ANO7: variants seen among roughly 807,000 people sequenced by gnomAD.
ANO7 encodes the protein anoctamin-7.
In ANO7, 114 loss-of-function variants were observed where a neutral mutation model predicts 115.8. The ratio of observed to expected loss-of-function variants is 0.98; its 90% CI spans 0.85 to 1.15. ANO7 has a LOEUF of 1.15. Among genes scored for constraint, ANO7 ranks in the 50% most tolerant of loss-of-function variants. The pLI is 0.00. For missense variants in ANO7, 1,302 were observed against 1,201.2 expected (o/e 1.08, Z -1.24); for synonymous variants, 550 against 498.2 (o/e 1.10, Z -1.38).
In ANO7 at chr2:241,223,177, CT is replaced by C; in HGVS notation, c.2322-8del. On this transcript the variant is annotated splice_polypyrimidine_tract_variant and splice_region_variant and intron_variant, in intron 21 of 24. Coordinates refer to ENST00000674324, the MANE Select transcript of ANO7 (RefSeq NM_001370694.2). ...TGGCTGCGCGCACTGAGTCCTGTGT[CT>C]GCTGCAGGTATCGGGCTTTCCGGGA... 2 of 1,613,642 alleles carry C rather than the reference CT, an allele frequency of 1.2e-6. No individual in the cohort carries two copies. Among genetic ancestry groups the C allele is most frequent in the Non-Finnish European group, 1.7e-6 (2 of 1,179,652 alleles).
intron 3 of ANO7, 115 bp from the exon 4 acceptor site, chr2:241,195,588 G>A (rs2149122543): frequency 1.0e-6 from 1 of 992,174 alleles, no homozygotes; most frequent in East Asian, 2.6e-5. Context: ...AACCGGCCCT[G>A]AGTGTCCAAG....
At chr2:241,191,571 C>T (rs956313830) in intron 3 of ANO7, among the ~76,000 whole-genome samples, 3 of 147,944 alleles carry the variant, frequency 2.0e-5, no homozygotes, top group African/African-American at 4.9e-5. Context: ...ATTTCTGACT[C>T]TTATCTCTTG....
chr2:241,206,424 A>G (rs1288635264), intron 10 of ANO7, among the ~76,000 whole-genome samples: 6 of 19,276 alleles, frequency 3.1e-4, no homozygotes, highest in Admixed American at 5.2e-4. Flanking sequence ...ACACAGGTGG[A>G]CAGGAGTGCT....
chr2:241,209,365 C>T lies in ANO7; in HGVS notation c.1158C>T (p.Tyr386=). The T allele has an allele frequency of 6.3e-7, 1 of 1,581,962 alleles. No individual in the cohort carries two copies. Among genetic ancestry groups the T allele is most frequent in the Non-Finnish European group, 8.6e-7 (1 of 1,164,494 alleles). ...MALWAVLLLE[Y]WKRKSATLAY... is the part of the protein sequence containing the mutation. ...TGTGGGCCGTGCTGCTGCTGGAGTA[C>T]TGGAAGCGGAAGAGCGCCACGCTGG... is the stretch of plus-strand genomic sequence containing the variant. The change falls in exon 12 of 25, where the codon TAC becomes TAT. Residue 386 remains tyrosine, a synonymous_variant. Coordinates refer to ENST00000674324, the MANE Select transcript of ANO7 (RefSeq NM_001370694.2).
chr2:241,236,506 C>CTGCCACTGCCGCTTG, the ANO7 span: 2 of 1,107,882 alleles, frequency 1.8e-6, no homozygotes, highest in South Asian at 2.8e-5. Flanking sequence ...GCTACCTCCA[C>CTGCCACTGCCGCTTG]TGCCACTGCC....
chr2:241,192,319 C>T (rs1446386791), intron 3 of ANO7, among the ~76,000 whole-genome samples: 1 of 152,150 alleles, frequency 6.6e-6, no homozygotes, highest in Non-Finnish European at 1.5e-5. Context: ...GAGCAAAACT[C>T]CATCTCCAAG....
rs928685029 is a variant in ANO7, at chr2:241,191,126, G to A, written c.109-68G>A. ...GGCGAGGACGGCTTCAGGGTGGGGCGGGGTGGGTGTAGTTGTCGAGGGCAG... is the reference window on the plus strand; with the variant it reads ...GGCGAGGACGGCTTCAGGGTGGGGCAGGGTGGGTGTAGTTGTCGAGGGCAG... On this transcript the variant is annotated intron_variant, in intron 2 of 24. Transcript: ENST00000674324. The A allele has an allele frequency of 3.0e-5, 47 of 1,565,762 alleles. No homozygotes were observed. In the Middle Eastern group the frequency reaches 5.1e-4, roughly 17 times the overall value.
the ANO7 span, among the ~76,000 whole-genome samples, chr2:241,234,197 A>G: frequency 4.3e-4 from 66 of 152,204 alleles, 4 homozygotes; most frequent in Non-Finnish European, 4.4e-5. Context: ...CCTTCAAAAG[A>G]GGGCTTGGGA....
chr2:241,217,740 T>C lies in ANO7; in HGVS notation c.2027T>C (p.Leu676Pro). ...IFVAACPLAP[L>P]FALLNNWVEI... ...GTGGCCGCCTGTCCGCTCGCGCCGC[T>C]CTTCGCCCTGCTCAACAACTGGGTG... The change falls in exon 20 of 25, where the codon CTC (leucine) becomes CCC (proline). Residue 676 changes from leucine (L) to proline (P), a missense_variant. Leu to Pro is a moderately conservative substitution (Grantham distance 98, BLOSUM62 -3). Transcript: ENST00000674324. 1 of 1,605,218 alleles carries C rather than the reference T, an allele frequency of 6.2e-7. No individual in the cohort carries two copies. The highest frequency in any genetic ancestry group is 8.5e-7 in the Non-Finnish European group (1 of 1,176,490).
At chr2:241,197,487 A>G (rs2149133808) in intron 4 of ANO7, among the ~76,000 whole-genome samples, 1 of 152,212 alleles carries the variant, frequency 6.6e-6, no homozygotes, top group African/African-American at 2.4e-5. Flanking sequence ...CCGAGGCTCA[A>G]GCCATCTTCC....
chr2:241,239,801 G>A, the ANO7 span: 6 of 1,613,826 alleles, frequency 3.7e-6, no homozygotes, highest in South Asian at 5.5e-5. This position sits in a 1 kb window ranked among gnomAD's most constrained non-coding sequence, Gnocchi z 4.6. Flanking sequence ...CACCAGCATG[G>A]AGTCTTCCAC....
In ANO7 at chr2:241,223,948, G is replaced by C; in HGVS notation, c.2576G>C (p.Gly859Ala). Residue 859 changes from glycine to alanine, a missense_variant, in exon 24 of 25, where the codon GGC (glycine) becomes GCC (alanine). Gly to Ala is a moderately conservative substitution (Grantham distance 60). Transcript: ENST00000674324. ...GGAACAAAGGATGAGCAGCCCGAGGGCTCAGAGGCAAGTCTGGGAGCAGCC... is the reference window on the plus strand; with the variant it reads ...GGAACAAAGGATGAGCAGCCCGAGGCCTCAGAGGCAAGTCTGGGAGCAGCC... The part of the protein sequence containing the change: ...TNGTKDEQPE[G>A]SELSSHWTPF... 6.2e-7 allele frequency: 1 copy of C among 1,609,418 alleles called. No homozygotes were observed. The highest frequency in any genetic ancestry group is 1.1e-5 in the South Asian group (1 of 91,070).
intron 3 of ANO7, among the ~76,000 whole-genome samples, chr2:241,195,050 C>G (rs943040118): frequency 1.3e-5 from 2 of 152,200 alleles, no homozygotes; most frequent in Non-Finnish European, 2.9e-5. Flanking sequence ...GCTTGGTGCT[C>G]CAAGGGCCTG....
At chr2:241,221,681 CTTT>C (rs890295621) in intron 21 of ANO7, among the ~76,000 whole-genome samples, 1 of 151,458 alleles carries the variant, frequency 6.6e-6, no homozygotes, top group African/African-American at 2.4e-5. Context: ...GGGATTATTT[CTTT>C]TTTTTCTTTT....
rs373643017 is a variant in ANO7 at position 241,188,686 on chromosome 2, G to A, written c.-88G>A. The A allele has an allele frequency of 4.1e-5, 66 of 1,613,508 alleles. No individual in the cohort carries two copies. The Middle Eastern group carries it at 5.0e-4, about 12-fold the overall frequency. On this transcript the variant is annotated 5_prime_UTR_variant, in exon 1 of 25. Coordinates refer to ENST00000674324, the MANE Select transcript of ANO7 (RefSeq NM_001370694.2). The surrounding 1 kb of genome is among the most constrained non-coding windows in gnomAD (Gnocchi z 4.3). ...CCACCCTCTGTCCCGCAGTGAGGACGGGACTCTACTGCCGAGACCAGGCTC... is the reference window on the plus strand; with the variant it reads ...CCACCCTCTGTCCCGCAGTGAGGACAGGACTCTACTGCCGAGACCAGGCTC...
At chr2:241,198,158 C>G (rs1190019191) in intron 4 of ANO7, among the ~76,000 whole-genome samples, 1 of 152,186 alleles carries the variant, frequency 6.6e-6, no homozygotes, top group Admixed American at 6.5e-5. Flanking sequence ...TCTTCCCTCA[C>G]CCACCTTCTC....
rs1172319589 is a variant in ANO7 at position 241,207,670 on chromosome 2, G to A, written c.1077G>A (p.Gln359=). The A allele has an allele frequency of 6.2e-7, 1 of 1,613,520 alleles. No homozygotes were observed. The highest frequency in any genetic ancestry group is 1.3e-5 in the African/African-American group (1 of 75,050). Residue 359 remains glutamine (Q), a splice_region_variant and synonymous_variant, in exon 11 of 25, where the codon CAG becomes CAA. Coordinates refer to ENST00000674324, the MANE Select transcript of ANO7 (RefSeq NM_001370694.2). ...TCTCCAGCGCCTGTGCCCTGGCCCA[G>A]GTACGAGAAGAGGTGGGTGGGGTAA... ...WLLSSACALA[Q]AGRLFDHGGT... is the part of the protein sequence containing the mutation.
the ANO7 span, chr2:241,239,540 C>CA: frequency 3.3e-5 from 46 of 1,385,394 alleles, no homozygotes; most frequent in Non-Finnish European, 4.7e-5. This position sits in a 1 kb window ranked among gnomAD's most constrained non-coding sequence, Gnocchi z 4.6. Flanking sequence ...AACACTCATA[C>CA]ACGGCTTCGG....
At chr2:241,223,498 GA>G in intron 22 of ANO7, 163 bp from the exon 23 acceptor site, 1 of 1,192,850 alleles carries the variant, frequency 8.4e-7, no homozygotes. Flanking sequence ...CCAGGGCCAC[GA>G]AAGCTGGGGT....
Sources: gnomAD v4.1 joint callset for allele counts (sites outside exome capture counted in the v4.1 genomes callset) on GRCh38, gnomAD v4.1.1 for gene constraint, Gnocchi (gnomAD v3.1) non-coding constraint, MANE v1.5 for transcripts, NCBI Gene and HGNC (gene_info 2026-07-23, HGNC 2026-07-21) for gene names.